Variants in CEP112 observed in about 807,000 individuals in gnomAD.
The protein encoded by CEP112 is centrosomal protein 112.
In CEP112, 127 loss-of-function variants were observed where a neutral mutation model predicts 153.0. The ratio of observed to expected loss-of-function variants is 0.83; its 90% CI spans 0.72 to 0.96. CEP112 has a LOEUF of 0.96. Among genes scored for constraint, CEP112 ranks in the 40% least tolerant of loss-of-function variants. The pLI is 0.00. For missense variants in CEP112, 1,089 were observed against 1,101.2 expected, an observed-to-expected ratio of 0.99 and a Z score of 0.16; for synonymous variants, 358 against 374.4, an observed-to-expected ratio of 0.96 and a Z score of 0.51.
rs1041574261 is a variant in CEP112 at position 66,165,010 on chromosome 17, G to A, written c.470+10034C>T. 2.7e-4 allele frequency among the ~76,000 whole-genome samples: 40 copies of A among 150,570 alleles called. 1 individual carries two copies. The highest frequency in any genetic ancestry group is 8.3e-4 in the African/African-American group (34 of 40,854). On this transcript the variant is annotated intron_variant, in intron 4 of 26. Transcript: ENST00000535342. The stretch of plus-strand genomic sequence containing the variant: ...AAGAGCAACTAGATGTTGATCATGG[G>A]TGATCATCACCAAAAAAGGGAGCTG...
chr17:65,986,579 T>C (rs1306436273), intron 17 of CEP112, among the ~76,000 whole-genome samples: 2 of 152,166 alleles, frequency 1.3e-5, no homozygotes, highest in Non-Finnish European at 2.9e-5. Flanking sequence ...GTGTACTATA[T>C]GTAGGGAGCC....
chr17:65,658,090 AT>A (rs2046149156), intron 24 of CEP112, among the ~76,000 whole-genome samples: 1 of 152,202 alleles, frequency 6.6e-6, no homozygotes, highest in Admixed American at 6.5e-5. Context: ...TACTGTGATG[AT>A]TCTATTTAAT....
intron 21 of CEP112, chr17:65,751,032 G>T: frequency 4.0e-6 from 1 of 249,648 alleles, no homozygotes; most frequent in Non-Finnish European, 7.6e-6. Context: ...TAAAGTAAGG[G>T]AAAGAGAGAA....
intron 23 of CEP112, among the ~76,000 whole-genome samples, chr17:65,716,514 G>C (rs1397963415): frequency 6.6e-6 from 1 of 152,130 alleles, no homozygotes; most frequent in Non-Finnish European, 1.5e-5. Flanking sequence ...GGGGAAGGTA[G>C]AGCGGGGCAG....
intron 8 of CEP112, among the ~76,000 whole-genome samples, chr17:66,087,940 G>A (rs754692531): frequency 1.3e-5 from 2 of 152,008 alleles, no homozygotes; most frequent in Non-Finnish European, 2.9e-5. Flanking sequence ...CTCCCAGCCA[G>A]TACCCCAGGA....
chr17:66,146,840 C>T (rs1413475501), intron 4 of CEP112, among the ~76,000 whole-genome samples: 1 of 152,130 alleles, frequency 6.6e-6, no homozygotes, highest in East Asian at 1.9e-4. Flanking sequence ...TGTGACAAGA[C>T]TTTCTTCCTT....
intron 24 of CEP112, among the ~76,000 whole-genome samples, chr17:65,668,583 G>A (rs1598262454): frequency 6.6e-6 from 1 of 152,240 alleles, no homozygotes; most frequent in East Asian, 1.9e-4. Context: ...TGTGGCTTTC[G>A]GGAAGCAACA....
chr17:65,848,699 G>T (rs2057813976), intron 21 of CEP112, among the ~76,000 whole-genome samples: 1 of 152,112 alleles, frequency 6.6e-6, no homozygotes, highest in African/African-American at 2.4e-5. Flanking sequence ...CAACAGCAAG[G>T]GAAAGTGTAG....
intron 24 of CEP112, among the ~76,000 whole-genome samples, chr17:65,658,676 A>G (rs938843679): frequency 2.6e-5 from 4 of 152,132 alleles, no homozygotes; most frequent in African/African-American, 9.7e-5. Flanking sequence ...ACAGGCCAGA[A>G]GAAGAAGCTG....
At chr17:66,060,582 G>A (rs1039939112) in intron 11 of CEP112, among the ~76,000 whole-genome samples, 1 of 151,996 alleles carries the variant, frequency 6.6e-6, no homozygotes, top group Non-Finnish European at 1.5e-5. Flanking sequence ...ACAGCATGAA[G>A]CACCCAGAAA....
At chr17:65,680,356 AG>A (rs2047456448) in intron 24 of CEP112, among the ~76,000 whole-genome samples, 1 of 152,212 alleles carries the variant, frequency 6.6e-6, no homozygotes, top group Non-Finnish European at 1.5e-5. Context: ...TATGTTTAGG[AG>A]GCCCAATACC....
At chr17:66,012,922 C>CA (rs1181243553) in intron 16 of CEP112, among the ~76,000 whole-genome samples, 1 of 149,962 alleles carries the variant, frequency 6.7e-6, no homozygotes, top group Non-Finnish European at 1.5e-5. Context: ...TTTCATTTTA[C>CA]TTTTTTTTTT....
At chr17:65,769,169 C>T (rs6504352) in intron 21 of CEP112, among the ~76,000 whole-genome samples, 72,642 of 151,418 alleles carry the variant, frequency 0.48, 19,074 homozygotes, top group East Asian at 0.78. Context: ...GAGAAAACAA[C>T]CTCATTTACA....
At chr17:65,848,024 C>T (rs2057790408) in intron 21 of CEP112, among the ~76,000 whole-genome samples, 1 of 152,164 alleles carries the variant, frequency 6.6e-6, no homozygotes, top group Non-Finnish European at 1.5e-5. Flanking sequence ...CTGGGGATGC[C>T]ATTCCCACCT....
chr17:66,037,041 G>A (rs1484922888), intron 12 of CEP112, among the ~76,000 whole-genome samples: 4 of 152,018 alleles, frequency 2.6e-5, no homozygotes, highest in African/African-American at 9.7e-5. Flanking sequence ...TCATTTCTAA[G>A]CCCCTTTATT....
intron 21 of CEP112, among the ~76,000 whole-genome samples, chr17:65,845,016 A>G (rs2057674138): frequency 6.6e-6 from 1 of 151,962 alleles, no homozygotes; most frequent in Non-Finnish European, 1.5e-5. Context: ...TGTCTCAAAA[A>G]AAAAAATTAT....
In CEP112 at chr17:66,034,636, C is replaced by T. The variant is rs1050813406; in HGVS notation, c.1219-4613G>A. Among the ~76,000 whole-genome samples the T allele has an allele frequency of 3.3e-5, 5 of 151,146 alleles. No individual in the cohort carries two copies. The East Asian group carries it at 7.8e-4, about 23-fold the overall frequency. ...GAGAGAAAAAATGCTCAGATAAAAGCATAAAACTATTTTTATGAGAGAAAG... is the reference window on the plus strand; with the variant it reads ...GAGAGAAAAAATGCTCAGATAAAAGTATAAAACTATTTTTATGAGAGAAAG... On this transcript the variant is annotated intron_variant, in intron 12 of 26. Coordinates refer to ENST00000535342, the MANE Select transcript of CEP112 (RefSeq NM_001199165.4).
intron 12 of CEP112, among the ~76,000 whole-genome samples, chr17:66,053,324 ACC>A (rs2145930667): frequency 6.6e-6 from 1 of 152,036 alleles, no homozygotes; most frequent in South Asian, 2.1e-4. Flanking sequence ...ACATGGTGAA[ACC>A]CCCTGTCTAC....
chr17:65,960,971 C>A (rs1162881138), intron 18 of CEP112, among the ~76,000 whole-genome samples: 1 of 151,238 alleles, frequency 6.6e-6, no homozygotes, highest in East Asian at 2.0e-4. Context: ...TAATAATTCC[C>A]TTTATTCTTT....
Sources: allele counts gnomAD v4.1 joint callset (sites outside exome capture counted in the v4.1 genomes callset), GRCh38; gene constraint gnomAD v4.1.1; transcripts MANE v1.5; gene names NCBI Gene and HGNC (gene_info 2026-07-23, HGNC 2026-07-21).